Variants in RAP1GAP2 observed in about 807,000 individuals in gnomAD.
RAP1GAP2 encodes the protein rap1 GTPase-activating protein 2.
In RAP1GAP2, 27 loss-of-function variants were observed where a neutral mutation model predicts 95.0. The observed-to-expected ratio is 0.28, with a 90% CI of 0.21 to 0.39. RAP1GAP2 has a LOEUF of 0.39. RAP1GAP2 is among the 10% of genes least tolerant of loss of function. The pLI, the probability that RAP1GAP2 is intolerant of heterozygous loss-of-function variation, is 1.00. For synonymous variants in RAP1GAP2, 373 were observed against 380.9 expected (o/e 0.98, Z 0.24); for missense variants, 771 against 970.0 (o/e 0.79, Z 2.72).
chr17:2,769,170 T>C (rs2068335913), intron 1 of RAP1GAP2, among the ~76,000 whole-genome samples: 1 of 145,462 alleles, frequency 6.9e-6, no homozygotes, highest in Non-Finnish European at 1.5e-5. Flanking sequence ...GGTTGGAGGC[T>C]TCAGTGAACT....
rs1156242644 is a variant in RAP1GAP2, at chr17:3,029,125, T to C, written c.2108-1797T>C. On this transcript the variant is annotated intron_variant, in intron 22 of 24. Transcript: ENST00000254695. This position sits in a 1 kb window ranked among gnomAD's most constrained non-coding sequence, Gnocchi z 4.4. ...GTGTTTTTGTTTTGTTTTGTTTTGT[T>C]TTCTAAATAAGACTTAAATATTGAA... is the stretch of plus-strand genomic sequence containing the variant. 6.6e-6 allele frequency among the ~76,000 whole-genome samples: 1 copy of C among 152,106 alleles called. No individual in the cohort carries two copies. The highest frequency in any genetic ancestry group is 1.5e-5 in the Non-Finnish European group (1 of 68,026).
chr17:2,772,674 C>T (rs371199256), upstream of RAP1GAP2, among the ~76,000 whole-genome samples: 2 of 152,090 alleles, frequency 1.3e-5, no homozygotes, highest in East Asian at 3.9e-4. Context: ...CATAGCAATG[C>T]TATGATCTAG....
Position 2,857,156 on chromosome 17 carries a change from C to T in RAP1GAP2, c.81-48128C>T, listed in dbSNP as rs1403433874. Among the ~76,000 whole-genome samples the T allele has an allele frequency of 6.6e-6, 1 of 152,198 alleles. No individual in the cohort carries two copies. The highest frequency in any genetic ancestry group is 2.4e-5 in the African/African-American group (1 of 41,446). On this transcript the variant is annotated intron_variant, in intron 2 of 24. Transcript: ENST00000254695. The surrounding 1 kb of genome is among the most constrained non-coding windows in gnomAD (Gnocchi z 4.0). ...CAGGCTCAGGCCCCTTCTTCTCCTC[C>T]CAGAAGGCTTGATCCATCCATCGAT...
chr17:2,922,335 A>C (rs1435626487), intron 3 of RAP1GAP2, among the ~76,000 whole-genome samples: 1 of 152,192 alleles, frequency 6.6e-6, no homozygotes, highest in East Asian at 1.9e-4. Context: ...TAATTCCATC[A>C]CCTTGGGAGG....
At chr17:2,878,576 A>C (rs2073170814) in intron 2 of RAP1GAP2, among the ~76,000 whole-genome samples, 1 of 152,118 alleles carries the variant, frequency 6.6e-6, no homozygotes, top group African/African-American at 2.4e-5. Context: ...TGGTCTAACC[A>C]ACACCCTTGA....
chr17:2,800,850 T>C (rs934666731), intron 2 of RAP1GAP2, among the ~76,000 whole-genome samples: 30 of 98,488 alleles, frequency 3.0e-4, no homozygotes, highest in South Asian at 2.1e-3. Flanking sequence ...TTTCTTTCTT[T>C]CTTTCTTTTT....
chr17:2,903,337 C>G lies in RAP1GAP2; in HGVS notation c.81-1947C>G, dbSNP rs2042085937. On this transcript the variant is annotated intron_variant, in intron 2 of 24. Coordinates refer to ENST00000254695, the MANE Select transcript of RAP1GAP2 (RefSeq NM_015085.5). This position sits in a 1 kb window ranked among gnomAD's most constrained non-coding sequence, Gnocchi z 4.1. ...GGGCCAGGTGGAGGAGGCGGTGAGC[C>G]TGTGCTGGACCCAGCTCTGTTGTGC... is the stretch of plus-strand genomic sequence containing the variant. Among the ~76,000 whole-genome samples, 1 of 152,166 alleles carries G rather than the reference C, an allele frequency of 6.6e-6. No individual in the cohort carries two copies. The highest frequency in any genetic ancestry group is 2.4e-5 in the African/African-American group (1 of 41,432).
At chr17:2,851,137 T>G (rs1206913486) in intron 2 of RAP1GAP2, among the ~76,000 whole-genome samples, 1 of 151,928 alleles carries the variant, frequency 6.6e-6, no homozygotes, top group South Asian at 2.1e-4. Context: ...AGCATGACAC[T>G]AAGACAAAGA....
Position 2,844,555 on chromosome 17 carries a change from G to T in RAP1GAP2, c.80+44005G>T, listed in dbSNP as rs376739449. On this transcript the variant is annotated intron_variant, in intron 2 of 24. Coordinates refer to ENST00000254695, the MANE Select transcript of RAP1GAP2 (RefSeq NM_015085.5). ...ATTGCAGACCTGCAGTTGCTCAGCA[G>T]GAGGTTTGGAGCTCAGCTCCCGGCT... Among the ~76,000 whole-genome samples the T allele has an allele frequency of 2.1e-4, 32 of 152,340 alleles. 1 individual carries two copies. The South Asian group carries it at 3.1e-3, about 15-fold the overall frequency.
chr17:2,922,526 C>T (rs1188804153), intron 3 of RAP1GAP2, among the ~76,000 whole-genome samples: 1 of 152,180 alleles, frequency 6.6e-6, no homozygotes, highest in Non-Finnish European at 1.5e-5. Flanking sequence ...AGCACCTGCT[C>T]TCCTTGTGTA....
chr17:2,997,922 C>CAAAAAA (rs1313908992), intron 13 of RAP1GAP2, among the ~76,000 whole-genome samples: 1 of 67,732 alleles, frequency 1.5e-5, no homozygotes, highest in Non-Finnish European at 3.0e-5. Flanking sequence ...GACCCTGTCT[C>CAAAAAA]AAAAAAAAAA....
intron 1 of RAP1GAP2, among the ~76,000 whole-genome samples, chr17:2,762,772 C>T (rs895616491): frequency 2.0e-5 from 3 of 149,638 alleles, no homozygotes; most frequent in African/African-American, 7.4e-5. Context: ...GGTCTCGTCA[C>T]TTCAAGTGAT....
chr17:3,010,462 G>C (rs1033804973), intron 17 of RAP1GAP2, among the ~76,000 whole-genome samples: 5 of 152,076 alleles, frequency 3.3e-5, no homozygotes, highest in African/African-American at 4.8e-5. Flanking sequence ...TAGTATTTTG[G>C]AGTTAATTGG....
chr17:3,011,731 T>A (rs1368036805), intron 17 of RAP1GAP2, among the ~76,000 whole-genome samples: 1 of 149,334 alleles, frequency 6.7e-6, no homozygotes, highest in Non-Finnish European at 1.5e-5. Flanking sequence ...GCGATTCTCC[T>A]GCCTCAGCCT....
chr17:2,826,571 C>A (rs977918123), intron 2 of RAP1GAP2, among the ~76,000 whole-genome samples: 1 of 150,640 alleles, frequency 6.6e-6, no homozygotes, highest in African/African-American at 2.4e-5. Context: ...GGATGGATTG[C>A]GGAAGGGAGG....
chr17:2,864,564 C>T (rs934489436), intron 2 of RAP1GAP2, among the ~76,000 whole-genome samples: 2 of 152,224 alleles, frequency 1.3e-5, no homozygotes, highest in African/African-American at 4.8e-5. Context: ...CCTTTGCTAC[C>T]TGCCCCTTCC....
chr17:2,823,447 C>T lies in RAP1GAP2; in HGVS notation c.80+22897C>T, dbSNP rs148459362. Among the ~76,000 whole-genome samples, 20 of 152,320 alleles carry T rather than the reference C, an allele frequency of 1.3e-4. No homozygotes were observed. The East Asian group carries it at 2.1e-3, about 16-fold the overall frequency. On this transcript the variant is annotated intron_variant, in intron 2 of 24. Transcript: ENST00000254695. ...AGAAAAACTGTTAGGATTCTAGTTT[C>T]GTTGAAAAGCCATTTTGCCTTTGTC...
intron 3 of RAP1GAP2, among the ~76,000 whole-genome samples, chr17:2,945,878 C>T (rs753741235): frequency 6.6e-6 from 1 of 152,122 alleles, no homozygotes; most frequent in African/African-American, 2.4e-5. Flanking sequence ...CAACCTCTTT[C>T]CCCTGGGTGC....
chr17:2,998,294 C>G lies in RAP1GAP2; in HGVS notation c.1118C>G (p.Pro373Arg). Residue 373 changes from proline (P) to arginine (R), a missense_variant, in exon 14 of 25, where the codon CCA becomes CGA. By Grantham distance (103) the Pro-to-Arg change is moderately radical. Coordinates refer to ENST00000254695, the MANE Select transcript of RAP1GAP2 (RefSeq NM_015085.5). ...IFQEENTPFV[P>R]DMIASNFLHA... Reference sequence around the variant, plus strand: ...CAAGAGGAAAACACGCCGTTTGTCCCAGACATGATAGCCTCCAATTTCTTA... The same window carrying G: ...CAAGAGGAAAACACGCCGTTTGTCCGAGACATGATAGCCTCCAATTTCTTA... 1 of 1,614,016 alleles carries G rather than the reference C, an allele frequency of 6.2e-7. No individual in the cohort carries two copies. Among genetic ancestry groups the G allele is most frequent in the Non-Finnish European group, 8.5e-7 (1 of 1,179,870 alleles).
Sources: gnomAD v4.1 joint callset for allele counts (sites outside exome capture counted in the v4.1 genomes callset) on GRCh38, gnomAD v4.1.1 for gene constraint, Gnocchi (gnomAD v3.1) non-coding constraint, MANE v1.5 for transcripts, NCBI Gene and HGNC (gene_info 2026-07-23, HGNC 2026-07-21) for gene names.